STK39: variants seen among roughly 807,000 people sequenced by gnomAD.
The protein encoded by STK39 is STE20/SPS1-related proline-alanine-rich protein kinase.
STK39 carries 20 observed loss-of-function variants against 77.8 expected under a neutral mutation model. The ratio of observed to expected loss-of-function variants is 0.26; its 90% CI spans 0.18 to 0.37. STK39 has a LOEUF of 0.37. Among genes scored for constraint, STK39 ranks in the 10% least tolerant of loss-of-function variants. The probability of loss-of-function intolerance (pLI) is 1.00; values close to 1 mark genes in which losing one functional copy is unlikely to be tolerated. For synonymous variants in STK39, 246 were observed against 234.1 expected (o/e 1.05, Z -0.47); for missense variants, 479 against 656.5 (o/e 0.73, Z 2.95).
At chr2:168,188,713 A>G (rs1689267217) in intron 1 of STK39, among the ~76,000 whole-genome samples, 1 of 152,214 alleles carries the variant, frequency 6.6e-6, no homozygotes, top group Admixed American at 6.5e-5. Context: ...ACTATTTCAC[A>G]CAGAAAGAAA....
intron 14 of STK39, among the ~76,000 whole-genome samples, chr2:168,034,655 A>C (rs75125546): frequency 0.041 from 6,244 of 152,254 alleles, 430 homozygotes; most frequent in African/African-American, 0.14. Context: ...CTCCAAACAC[A>C]GGGTGCTATT....
chr2:167,993,366 A>G (rs763729190), intron 16 of STK39, among the ~76,000 whole-genome samples: 1 of 152,198 alleles, frequency 6.6e-6, no homozygotes, highest in Non-Finnish European at 1.5e-5. Flanking sequence ...CTTATTAAGA[A>G]TCACTAAAAG....
intron 16 of STK39, among the ~76,000 whole-genome samples, chr2:167,994,682 T>C (rs1291778774): frequency 6.6e-6 from 1 of 152,224 alleles, no homozygotes; most frequent in Non-Finnish European, 1.5e-5. Context: ...TTCATGTAAA[T>C]GGAATCATAT....
At chr2:167,975,591 G>A (rs149994675) in intron 16 of STK39, among the ~76,000 whole-genome samples, 5,560 of 152,146 alleles carry the variant, frequency 0.037, 349 homozygotes, top group African/African-American at 0.12. Context: ...TGAGGTGGGC[G>A]GATCATGAGG....
intron 1 of STK39, among the ~76,000 whole-genome samples, chr2:168,182,910 CCAA>C (rs1345000138): frequency 6.6e-6 from 1 of 152,088 alleles, no homozygotes; most frequent in Non-Finnish European, 1.5e-5. Context: ...TGCAAGATAG[CCAA>C]CAACAGAAAC....
At chr2:168,242,450 G>A (rs1230168976) in intron 1 of STK39, among the ~76,000 whole-genome samples, 1 of 150,028 alleles carries the variant, frequency 6.7e-6, no homozygotes, top group Non-Finnish European at 1.5e-5. Context: ...TCGGGAGGCT[G>A]AGGCAGGAGA....
At chr2:168,049,201 A>G (rs1685330579) in intron 14 of STK39, among the ~76,000 whole-genome samples, 1 of 152,196 alleles carries the variant, frequency 6.6e-6, no homozygotes, top group South Asian at 2.1e-4. Flanking sequence ...GAGTTAATCA[A>G]TTCTCTCCCG....
At chr2:168,059,219 C>T (rs1420865571) in intron 14 of STK39, among the ~76,000 whole-genome samples, 2 of 152,196 alleles carry the variant, frequency 1.3e-5, no homozygotes, top group Admixed American at 6.5e-5. Flanking sequence ...CCAATAAACC[C>T]ATTCCTTAGT....
At chr2:168,081,788 C>T (rs1686238973) in intron 10 of STK39, among the ~76,000 whole-genome samples, 1 of 152,314 alleles carries the variant, frequency 6.6e-6, no homozygotes, top group African/African-American at 2.4e-5. Flanking sequence ...CTTTCCTACA[C>T]TGTCCTCATG....
At chr2:168,197,726 A>T (rs1463757662) in intron 1 of STK39, among the ~76,000 whole-genome samples, 1 of 152,204 alleles carries the variant, frequency 6.6e-6, no homozygotes, top group African/African-American at 2.4e-5. Context: ...AGAAATAATT[A>T]ACTTGTTCCT....
intron 12 of STK39, among the ~76,000 whole-genome samples, chr2:168,070,510 T>C (rs1386419509): frequency 6.6e-6 from 1 of 151,794 alleles, no homozygotes. Flanking sequence ...GTTTGTTACA[T>C]AGGTATACAT....
At chr2:168,197,898 CATG>C (rs1273405518) in intron 1 of STK39, among the ~76,000 whole-genome samples, 2 of 151,850 alleles carry the variant, frequency 1.3e-5, no homozygotes, top group African/African-American at 2.4e-5. Context: ...ATTAGCCAGG[CATG>C]GTGGTGGGTG....
At chr2:167,964,637 C>T in intron 17 of STK39, 25 bp downstream of exon 17, 1 of 1,593,200 alleles carries the variant, frequency 6.3e-7, no homozygotes, top group Non-Finnish European at 8.6e-7. Context: ...ATATTACCTC[C>T]TTCTTTCCAT....
chr2:168,246,856 T>G (rs977864903), intron 1 of STK39, among the ~76,000 whole-genome samples: 20 of 151,774 alleles, frequency 1.3e-4, no homozygotes, highest in Non-Finnish European at 1.3e-4. Context: ...CGGCTGCCTG[T>G]CCGCGTGGCC....
chr2:168,150,993 G>C (rs1289550211), intron 5 of STK39, among the ~76,000 whole-genome samples: 1 of 152,008 alleles, frequency 6.6e-6, no homozygotes, highest in Non-Finnish European at 1.5e-5. Flanking sequence ...CTTCTTGAAA[G>C]CAAATGGTGC....
At chr2:167,984,538 G>T (rs980314983) in intron 16 of STK39, among the ~76,000 whole-genome samples, 6 of 152,192 alleles carry the variant, frequency 3.9e-5, no homozygotes, top group Non-Finnish European at 8.8e-5. Context: ...GATGCTGGTA[G>T]AGGCCAATCA....
chr2:168,136,547 A>AT (rs1687847549), intron 8 of STK39, among the ~76,000 whole-genome samples: 1 of 152,322 alleles, frequency 6.6e-6, no homozygotes, highest in Middle Eastern at 3.4e-3. Flanking sequence ...ATTGTGTGAC[A>AT]TTACAAATCA....
At chr2:168,122,359 A>G (rs1372916769) in intron 10 of STK39, among the ~76,000 whole-genome samples, 1 of 152,210 alleles carries the variant, frequency 6.6e-6, no homozygotes, top group Non-Finnish European at 1.5e-5. Flanking sequence ...TGCAAAGGAC[A>G]TGATCTTGTT....
chr2:168,158,507 T>G (rs1348088412), intron 5 of STK39, among the ~76,000 whole-genome samples: 2 of 152,182 alleles, frequency 1.3e-5, no homozygotes, highest in Non-Finnish European at 2.9e-5. Context: ...GGGAATCGAT[T>G]TATGCAGAGA....
Sources: allele counts gnomAD v4.1 joint callset (sites outside exome capture counted in the v4.1 genomes callset), GRCh38; gene constraint gnomAD v4.1.1; transcripts MANE v1.5; gene names NCBI Gene and HGNC (gene_info 2026-07-23, HGNC 2026-07-21).